Variants in ANKMY1 observed in about 807,000 individuals in gnomAD.
The protein encoded by ANKMY1 is ankyrin repeat and MYND domain containing 1, also known as ankyrin repeat and MYND domain-containing protein 1.
ANKMY1 carries 98 observed loss-of-function variants against 102.0 expected under a neutral mutation model. The observed-to-expected ratio is 0.96, with a 90% CI of 0.82 to 1.14. The LOEUF (loss-of-function observed/expected upper bound fraction) is 1.14. Among genes scored for constraint, ANKMY1 ranks in the 50% most tolerant of loss-of-function variants. The probability of loss-of-function intolerance (pLI) is 0.00; values close to 1 mark genes in which losing one functional copy is unlikely to be tolerated. For missense variants in ANKMY1, 1,330 were observed against 1,347.6 expected (o/e 0.99, Z 0.20); for synonymous variants, 582 against 559.9 (o/e 1.04, Z -0.56).
intron 3 of ANKMY1, 96 bp from the exon 4 acceptor site, chr2:240,553,153 G>A (rs888472218): frequency 7.0e-7 from 1 of 1,424,714 alleles, no homozygotes; most frequent in African/African-American, 1.4e-5. Flanking sequence ...GGCAATGAAT[G>A]GGGACCACCC....
Position 240,529,508 on chromosome 2 carries a change from C to T in ANKMY1, c.482G>A (p.Gly161Glu), listed in dbSNP as rs2084791506. 2 of 1,608,998 alleles carry T rather than the reference C, an allele frequency of 1.2e-6. No individual in the cohort carries two copies. The highest frequency in any genetic ancestry group is 2.2e-5 in the East Asian group (1 of 44,792). The change falls in exon 5 of 18, where the codon GGG (glycine) becomes GAG (glutamate). Residue 161 changes from glycine (G) to glutamate (E), a missense_variant and splice_region_variant. By Grantham distance (98) the Gly-to-Glu change is moderately conservative. Transcript: ENST00000401804. The surrounding 1 kb of genome is among the most constrained non-coding windows in gnomAD (Gnocchi z 4.2). Reference protein sequence around the residue: ...TMYMKTRLFQGLYKADQRFGP... With the variant: ...TMYMKTRLFQELYKADQRFGP... ...AAACCGCTGGTCCGCTTTGTATAGC[C>T]CCTGCCAAGGAAGCGCAATAGACCG...
chr2:240,519,435 T>G (rs2081748520), intron 9 of ANKMY1, among the ~76,000 whole-genome samples: 1 of 152,232 alleles, frequency 6.6e-6, no homozygotes, highest in South Asian at 2.1e-4. Context: ...CTTGCTGTCA[T>G]ACTTCCATCT....
chr2:240,480,858 C>A (rs1480507106), intron 17 of ANKMY1, 79 bp downstream of exon 17: 12 of 1,501,964 alleles, frequency 8.0e-6, no homozygotes, highest in Non-Finnish European at 7.2e-6. Flanking sequence ...TGAGGGTGCC[C>A]CTCACCAGCA....
chr2:240,517,952 AAC>A (rs1290556946), intron 9 of ANKMY1, among the ~76,000 whole-genome samples: 1 of 152,196 alleles, frequency 6.6e-6, no homozygotes, highest in East Asian at 1.9e-4. Context: ...TTTAGAAAAA[AAC>A]TCTAGTATCA....
At chr2:240,475,856 G>A (rs2074817554), downstream of ANKMY1, among the ~76,000 whole-genome samples, 1 of 151,942 alleles carries the variant, frequency 6.6e-6, no homozygotes, top group Non-Finnish European at 1.5e-5. Context: ...AGAAATTAAG[G>A]TACAAACAAA....
intron 4 of ANKMY1, among the ~76,000 whole-genome samples, chr2:240,540,833 T>C (rs1575279482): frequency 6.6e-6 from 1 of 152,236 alleles, no homozygotes; most frequent in East Asian, 1.9e-4. Context: ...TCAGCATTGC[T>C]GAAGGCCTGA....
intron 5 of ANKMY1, 93 bp downstream of exon 5, chr2:240,528,944 G>C (rs1427841942): frequency 1.0e-5 from 12 of 1,165,156 alleles, no homozygotes; most frequent in Non-Finnish European, 1.5e-5. Flanking sequence ...AGGGAGCACT[G>C]TCAGTGGCAG....
intron 15 of ANKMY1, among the ~76,000 whole-genome samples, chr2:240,490,243 G>A (rs2076490606): frequency 6.6e-6 from 1 of 152,010 alleles, no homozygotes; most frequent in East Asian, 1.9e-4. Context: ...TTATTTCATT[G>A]ATTCTCTGTA....
chr2:240,531,557 T>C (rs1275941440), intron 4 of ANKMY1, among the ~76,000 whole-genome samples: 1 of 152,224 alleles, frequency 6.6e-6, no homozygotes, highest in African/African-American at 2.4e-5. Context: ...ATAATTTTTT[T>C]AAATTGACTG....
At chr2:240,550,960 G>A (rs962071975) in intron 4 of ANKMY1, among the ~76,000 whole-genome samples, 1 of 152,140 alleles carries the variant, frequency 6.6e-6, no homozygotes, top group African/African-American at 2.4e-5. Context: ...GCTTCTTTGG[G>A]GGAGTTCCTG....
upstream of ANKMY1, chr2:240,560,762 C>T (rs1217172124): frequency 2.7e-6 from 4 of 1,482,168 alleles, no homozygotes; most frequent in Admixed American, 2.5e-5. Context: ...CGCCCTCACT[C>T]TTCCTCGGGA....
Position 240,523,943 on chromosome 2 carries a change from G to A in ANKMY1, c.1774C>T (p.Pro592Ser), listed in dbSNP as rs760017246. ...HSLLKMASPS[P>S]CTSSFDKGTM... ...CCTTTGTCGAAGCTGCTGGTGCACGGTGAGGGCGAGGCCATCTTCAGCAAG... is the reference window on the plus strand; with the variant it reads ...CCTTTGTCGAAGCTGCTGGTGCACGATGAGGGCGAGGCCATCTTCAGCAAG... The change falls in exon 8 of 18, where the codon CCG becomes TCG. Residue 592 changes from proline (P) to serine (S), a missense_variant. Physicochemically the swap from Pro to Ser is moderately conservative, Grantham distance 74. Transcript: ENST00000401804. 8.1e-6 allele frequency: 13 copies of A among 1,613,672 alleles called. No homozygotes were observed. The East Asian group carries it at 2.0e-4, about 25-fold the overall frequency.
chr2:240,560,668 A>T, upstream of ANKMY1: 1 of 1,499,616 alleles, frequency 6.7e-7, no homozygotes, highest in Non-Finnish European at 8.8e-7. Flanking sequence ...CCAAAAGCAG[A>T]CTCTTCGGCG....
the ANKMY1 span, among the ~76,000 whole-genome samples, chr2:240,469,103 AGTT>A: frequency 1.3e-5 from 2 of 152,198 alleles, no homozygotes; most frequent in African/African-American, 4.8e-5. Context: ...CAGCGGCTGT[AGTT>A]GTGGACAACG....
At chr2:240,516,278 A>C (rs2081195802) in intron 9 of ANKMY1, among the ~76,000 whole-genome samples, 1 of 152,110 alleles carries the variant, frequency 6.6e-6, no homozygotes, top group African/African-American at 2.4e-5. Context: ...CAAAAGCAAA[A>C]TTTCAAGTTT....
rs577635549 is a variant in ANKMY1 at position 240,485,393 on chromosome 2, T to C, written c.2807-3132A>G. 1.0e-4 allele frequency among the ~76,000 whole-genome samples: 15 copies of C among 150,716 alleles called. 1 individual carries two copies. In the South Asian group the frequency reaches 2.9e-3, roughly 29 times the overall value. On this transcript the variant is annotated intron_variant, in intron 15 of 17. Coordinates refer to ENST00000401804, the MANE Select transcript of ANKMY1 (RefSeq NM_001282771.3). ...AGATGCTGGAGAGGATGTGGAGAAA[T>C]AGGAATGCTTTTACACTGTTGGTGG...
chr2:240,552,019 T>C (rs940104327), intron 4 of ANKMY1, among the ~76,000 whole-genome samples: 1 of 152,206 alleles, frequency 6.6e-6, no homozygotes, highest in Non-Finnish European at 1.5e-5. Flanking sequence ...TCCAGGCCCT[T>C]TGTTCACCGT....
At chr2:240,527,444 A>T in intron 5 of ANKMY1, 1 of 83,742 alleles carries the variant, frequency 1.2e-5, no homozygotes, top group South Asian at 3.9e-4. Context: ...TGGGTAGATG[A>T]ATGGATGGCT....
upstream of ANKMY1, among the ~76,000 whole-genome samples, chr2:240,559,785 G>A (rs1018474214): frequency 6.6e-6 from 1 of 152,224 alleles, no homozygotes; most frequent in Non-Finnish European, 1.5e-5. Flanking sequence ...ATAAAGATCT[G>A]ACAGTTACCA....
Sources: allele counts gnomAD v4.1 joint callset (sites outside exome capture counted in the v4.1 genomes callset), GRCh38; gene constraint gnomAD v4.1.1; non-coding constraint Gnocchi (gnomAD v3.1); transcripts MANE v1.5; gene names NCBI Gene and HGNC (gene_info 2026-07-23, HGNC 2026-07-21).